Variants in ASTN2 observed in about 807,000 individuals in gnomAD.
ASTN2 encodes the protein astrotactin-2.
ASTN2 carries 54 observed loss-of-function variants against 139.8 expected under a neutral mutation model. The observed-to-expected ratio is 0.39, with a 90% CI of 0.31 to 0.48. The LOEUF (loss-of-function observed/expected upper bound fraction) is 0.48. Ranked by LOEUF, ASTN2 falls within the 20% of genes least tolerant of loss-of-function variation. ASTN2 has a pLI of 0.95. For synonymous variants in ASTN2, 756 were observed against 719.5 expected, an observed-to-expected ratio of 1.05 and a Z score of -0.81; for missense variants, 1,565 against 1,725.1, an observed-to-expected ratio of 0.91 and a Z score of 1.64.
At chr9:116,751,834 C>T (rs770434378) in intron 13 of ASTN2, among the ~76,000 whole-genome samples, 6 of 152,006 alleles carry the variant, frequency 3.9e-5, no homozygotes, top group Middle Eastern at 3.2e-3. Flanking sequence ...AGGAAGACTA[C>T]AAAACTCTGA....
chr9:116,790,642 G>T (rs1302320377), intron 13 of ASTN2, among the ~76,000 whole-genome samples: 1 of 151,742 alleles, frequency 6.6e-6, no homozygotes, highest in Non-Finnish European at 1.5e-5. Context: ...ACAAGAATAG[G>T]GACGTCAACT....
At chr9:116,952,348 G>A (rs570092428) in intron 10 of ASTN2, among the ~76,000 whole-genome samples, 1 of 152,138 alleles carries the variant, frequency 6.6e-6, no homozygotes, top group South Asian at 2.1e-4. Context: ...AGAGTATAAG[G>A]CTGGCCTCAA....
chr9:116,723,909 G>A (rs780818408), intron 16 of ASTN2, among the ~76,000 whole-genome samples: 4 of 152,002 alleles, frequency 2.6e-5, no homozygotes, highest in South Asian at 2.1e-4. Flanking sequence ...ACAAGTTTGC[G>A]GCAAAGCCAG....
At chr9:117,009,801 C>T (rs1837463216) in intron 6 of ASTN2, among the ~76,000 whole-genome samples, 1 of 152,204 alleles carries the variant, frequency 6.6e-6, no homozygotes, top group South Asian at 2.1e-4. Flanking sequence ...ACATCTTACT[C>T]TGCTGGCTGA....
In ASTN2 at chr9:117,172,253, T is replaced by C. The variant is rs553230917; in HGVS notation, c.1016-30775A>G. On this transcript the variant is annotated intron_variant, in intron 3 of 22. Transcript: ENST00000313400. ...ATGTTGTGTGATACAGTAGGTACTG[T>C]AGAATAGGCATATGCTGCCACCGGG... Among the ~76,000 whole-genome samples the C allele has an allele frequency of 2.6e-5, 4 of 152,280 alleles. No individual in the cohort carries two copies. In the East Asian group the frequency reaches 5.8e-4, roughly 22 times the overall value.
At chr9:117,274,395 T>C (rs981103720) in intron 2 of ASTN2, among the ~76,000 whole-genome samples, 1 of 152,104 alleles carries the variant, frequency 6.6e-6, no homozygotes, top group Non-Finnish European at 1.5e-5. Context: ...ACATCACCTG[T>C]CTTTGGTTAA....
At chr9:116,983,519 A>G (rs533717948) in intron 7 of ASTN2, among the ~76,000 whole-genome samples, 2 of 152,226 alleles carry the variant, frequency 1.3e-5, no homozygotes, top group Non-Finnish European at 2.9e-5. Context: ...CATCACAACA[A>G]TAAACATAAC....
Position 116,787,128 on chromosome 9 carries a change from G to T in ASTN2, c.2396+18504C>A, listed in dbSNP as rs73655492. 6.6e-3 allele frequency among the ~76,000 whole-genome samples: 1,006 copies of T among 152,264 alleles called. 9 individuals are homozygous for T. The highest frequency in any genetic ancestry group is 0.022 in the African/African-American group (909 of 41,548). On this transcript the variant is annotated intron_variant, in intron 13 of 22. Transcript: ENST00000313400. ...TATGTCCTTACAGTAGCATGAGAAT[G>T]AACTAATACATATGCCTACCAAACT...
rs139111620 is a variant in ASTN2 at position 116,569,659 on chromosome 9, C to T, written c.3355+48665G>A. Among the ~76,000 whole-genome samples, 969 of 152,282 alleles carry T rather than the reference C, an allele frequency of 6.4e-3. 15 individuals carry two copies. Among genetic ancestry groups the T allele is most frequent in the African/African-American group, 0.021 (887 of 41,546 alleles). On this transcript the variant is annotated intron_variant, in intron 19 of 22. Transcript: ENST00000313400. ...TTTGCTGCCTTCCTTCTTTTCTCTA[C>T]GTATTGACACCTAGGAAAACTCAAG... is the stretch of plus-strand genomic sequence containing the variant.
intron 22 of ASTN2, among the ~76,000 whole-genome samples, chr9:116,436,388 C>G (rs1177708218): frequency 1.3e-5 from 2 of 152,192 alleles, no homozygotes; most frequent in Admixed American, 1.3e-4. Context: ...ACTCCAGTTT[C>G]TACCAGAACA....
rs546684731 is a variant in ASTN2 at position 117,089,870 on chromosome 9, A to G, written c.1276+6174T>C. 6.5e-4 allele frequency among the ~76,000 whole-genome samples: 99 copies of G among 152,176 alleles called. 1 individual carries two copies. Among genetic ancestry groups the G allele is most frequent in the Non-Finnish European group, 1.2e-3 (84 of 68,042 alleles). ...AAATGCCGTTAATTCATTCCTTTTT[A>G]TGGTCAAGTAGTATTCCATCATGTA... is the stretch of plus-strand genomic sequence containing the variant. On this transcript the variant is annotated intron_variant, in intron 5 of 22. Transcript: ENST00000313400.
chr9:116,481,223 T>C (rs1043443346), intron 20 of ASTN2, among the ~76,000 whole-genome samples: 2 of 151,952 alleles, frequency 1.3e-5, no homozygotes, highest in African/African-American at 2.4e-5. Context: ...CTACAAAAGA[T>C]ACAAAAATTA....
chr9:116,824,279 C>T (rs1831563662), intron 11 of ASTN2, among the ~76,000 whole-genome samples: 1 of 152,232 alleles, frequency 6.6e-6, no homozygotes. Context: ...TCCCCTCCTA[C>T]ACTGCACCAG....
intron 7 of ASTN2, among the ~76,000 whole-genome samples, chr9:117,000,607 T>C (rs911305789): frequency 3.9e-5 from 6 of 152,298 alleles, no homozygotes; most frequent in South Asian, 4.1e-4. Flanking sequence ...CCAGAGCAAG[T>C]AGTCCTTGGA....
intron 4 of ASTN2, among the ~76,000 whole-genome samples, chr9:117,136,169 C>G (rs1033143786): frequency 6.6e-6 from 1 of 152,112 alleles, no homozygotes; most frequent in African/African-American, 2.4e-5. Context: ...GTTCAGCATG[C>G]AAATATGTCT....
At chr9:116,917,255 A>G (rs1389368768) in intron 10 of ASTN2, among the ~76,000 whole-genome samples, 4 of 152,106 alleles carry the variant, frequency 2.6e-5, no homozygotes, top group Admixed American at 2.0e-4. Context: ...CTCTCATAAC[A>G]TTGCACTACT....
rs370049810 is a variant in ASTN2, at chr9:116,884,347, G to T, written c.1890-20614C>A. ...GGATAGTCACTTCCTGTGATAGTTTGTTAGGGCTGCCTTAGCAGAATACCA... is the reference window on the plus strand; with the variant it reads ...GGATAGTCACTTCCTGTGATAGTTTTTTAGGGCTGCCTTAGCAGAATACCA... On this transcript the variant is annotated intron_variant, in intron 10 of 22. Coordinates refer to ENST00000313400, the MANE Select transcript of ASTN2 (RefSeq NM_001365068.1). Among the ~76,000 whole-genome samples the T allele has an allele frequency of 6.6e-5, 10 of 152,260 alleles. No individual in the cohort carries two copies. The East Asian group carries it at 9.7e-4, about 15-fold the overall frequency.
intron 17 of ASTN2, among the ~76,000 whole-genome samples, chr9:116,640,352 C>CA (rs1157936445): frequency 1.1e-4 from 16 of 151,594 alleles, no homozygotes; most frequent in Admixed American, 4.6e-4. Context: ...CAATCAGTTT[C>CA]AAAAAATAAA....
intron 19 of ASTN2, among the ~76,000 whole-genome samples, chr9:116,600,030 A>G (rs993580212): frequency 9.2e-5 from 14 of 152,114 alleles, no homozygotes; most frequent in Admixed American, 2.6e-4. Context: ...TTCTATATTA[A>G]AGATTACTCT....
Sources: allele counts gnomAD v4.1 joint callset (sites outside exome capture counted in the v4.1 genomes callset), GRCh38; gene constraint gnomAD v4.1.1; transcripts MANE v1.5; gene names NCBI Gene and HGNC (gene_info 2026-07-23, HGNC 2026-07-21).